The following RBKS variants were observed in gnomAD, a reference collection of about 807,000 sequenced individuals.
RBKS encodes the protein ribokinase.
Under a neutral mutation model 33.9 loss-of-function variants are expected in RBKS, and 33 were observed. The observed-to-expected ratio is 0.97, with a 90% CI of 0.74 to 1.30. RBKS has a LOEUF of 1.30. Ranked by LOEUF, RBKS falls within the 50% of genes most tolerant of loss-of-function variation. RBKS has a pLI of 0.00. For synonymous variants in RBKS, 125 were observed against 143.0 expected, an observed-to-expected ratio of 0.87 and a Z score of 0.90; for missense variants, 361 against 392.6, an observed-to-expected ratio of 0.92 and a Z score of 0.68.
At position 27,800,435 on chromosome 2, in the gene RBKS, GTTTA is replaced by G. The variant is rs375747101; in HGVS notation, c.796-18651_796-18648del. ...GGCAAGTCACTCAGCTTTTCTGTGGGTTTATTTATCTGTACAATGGGAACTTACC... is the reference window on the plus strand; with the variant it reads ...GGCAAGTCACTCAGCTTTTCTGTGGGTTTATCTGTACAATGGGAACTTACC... On this transcript the variant is annotated intron_variant, in intron 7 of 7. Transcript: ENST00000302188. Among the ~76,000 whole-genome samples, 37 of 152,200 alleles carry G rather than the reference GTTTA, an allele frequency of 2.4e-4. No individual in the cohort carries two copies. The East Asian group carries it at 6.6e-3, about 27-fold the overall frequency.
intron 1 of RBKS, among the ~76,000 whole-genome samples, chr2:27,872,004 T>C (rs1161358817): frequency 3.3e-5 from 5 of 152,210 alleles, no homozygotes; most frequent in Non-Finnish European, 7.4e-5. Context: ...GGGTTCACGC[T>C]ACTATGAGAA....
chr2:27,827,881 T>A, intron 6 of RBKS, 126 bp from the exon 7 acceptor site: 1 of 710,368 alleles, frequency 1.4e-6, no homozygotes, highest in Non-Finnish European at 2.2e-6. Flanking sequence ...GGAACCTTGA[T>A]AGATACTGGT....
intron 1 of RBKS, among the ~76,000 whole-genome samples, chr2:27,878,179 C>A (rs1245580932): frequency 6.6e-6 from 1 of 151,834 alleles, no homozygotes; most frequent in South Asian, 2.1e-4. Flanking sequence ...TATCCCTCCC[C>A]CCTGCCCCCA....
At chr2:27,855,261 T>C (rs1252263754) in intron 2 of RBKS, among the ~76,000 whole-genome samples, 1 of 152,212 alleles carries the variant, frequency 6.6e-6, no homozygotes, top group Non-Finnish European at 1.5e-5. Context: ...ATATGAAGGA[T>C]AGTCTCATAT....
Position 27,847,137 on chromosome 2 carries a change from A to G in RBKS, c.287-33T>C, listed in dbSNP as rs765869681. On this transcript the variant is annotated intron_variant, in intron 3 of 7. Transcript: ENST00000302188. ...AAAAAAGAAAATTACAATCACATGT[A>G]TACAGGCTGGCATGGATAATTTATT... 10 of 1,251,862 alleles carry G rather than the reference A, an allele frequency of 8.0e-6. No homozygotes were observed. The South Asian group carries it at 1.2e-4, about 15-fold the overall frequency. 77.5% of individuals were successfully genotyped at this position (1,251,862 alleles called of 1,614,324 possible). A position where few individuals can be genotyped will look rare whatever the true frequency, so the allele number is the denominator to read the frequency against.
intron 7 of RBKS, among the ~76,000 whole-genome samples, chr2:27,789,175 T>C (rs1267386186): frequency 6.6e-6 from 1 of 152,194 alleles, no homozygotes; most frequent in Non-Finnish European, 1.5e-5. Flanking sequence ...CACAAATATA[T>C]GGTCAACTTA....
intron 5 of RBKS, among the ~76,000 whole-genome samples, chr2:27,839,344 G>A (rs2148208983): frequency 6.6e-6 from 1 of 152,210 alleles, no homozygotes. Flanking sequence ...CATTTGCTTG[G>A]AAATGGATAT....
At chr2:27,829,239 G>A (rs1403532263) in intron 6 of RBKS, among the ~76,000 whole-genome samples, 1 of 151,644 alleles carries the variant, frequency 6.6e-6, no homozygotes, top group Non-Finnish European at 1.5e-5. Flanking sequence ...TCATCTGTAG[G>A]TTGTTGATTG....
intron 7 of RBKS, among the ~76,000 whole-genome samples, chr2:27,814,596 A>G (rs779176963): frequency 6.6e-6 from 1 of 152,258 alleles, no homozygotes; most frequent in Non-Finnish European, 1.5e-5. Flanking sequence ...TAAAGAGAAT[A>G]CTAAATGAAG....
intron 1 of RBKS, among the ~76,000 whole-genome samples, chr2:27,875,848 T>C (rs992341698): frequency 2.6e-5 from 4 of 152,094 alleles, no homozygotes; most frequent in Non-Finnish European, 4.4e-5. Context: ...TTTTTCCTCT[T>C]GCACAAACGT....
intron 7 of RBKS, among the ~76,000 whole-genome samples, chr2:27,797,512 A>T (rs1424857714): frequency 6.6e-6 from 1 of 152,212 alleles, no homozygotes; most frequent in Non-Finnish European, 1.5e-5. Context: ...TCAGCAGCAG[A>T]GCAGATGGAG....
intron 3 of RBKS, 30 bp from the exon 4 acceptor site, chr2:27,847,134 T>C (rs1007183737): frequency 1.1e-5 from 14 of 1,276,008 alleles, no homozygotes; most frequent in Middle Eastern, 2.1e-4. Context: ...TACAATCACA[T>C]GTATACAGGC....
chr2:27,847,384 C>T (rs1663642192), intron 3 of RBKS, among the ~76,000 whole-genome samples: 2 of 152,186 alleles, frequency 1.3e-5, no homozygotes, highest in African/African-American at 2.4e-5. Flanking sequence ...TAATTGTATA[C>T]ATATGCATTT....
intron 7 of RBKS, among the ~76,000 whole-genome samples, chr2:27,785,074 A>C (rs1251281808): frequency 6.6e-6 from 1 of 152,220 alleles, no homozygotes; most frequent in African/African-American, 2.4e-5. Flanking sequence ...TACAAAATTA[A>C]ATTCTAGCTA....
rs1371446752 is a variant in RBKS, at chr2:27,839,824, G to C, written c.514+3243C>G. 3.3e-5 allele frequency among the ~76,000 whole-genome samples: 5 copies of C among 152,036 alleles called. No individual in the cohort carries two copies. The East Asian group carries it at 9.7e-4, about 29-fold the overall frequency. On this transcript the variant is annotated intron_variant, in intron 5 of 7. Transcript: ENST00000302188. ...GATCATTAAGCCCACTCTGCTCTGG[G>C]ATCAGTCCAAAGTGACATGAAAGAA...
chr2:27,849,559 CAAAAAAAAAAAAAA>C (rs70953894), intron 2 of RBKS, among the ~76,000 whole-genome samples: 2 of 28,598 alleles, frequency 7.0e-5, no homozygotes, highest in Non-Finnish European at 1.5e-4. Flanking sequence ...GACTCTGTCT[CAAAAAAAAAAAAAA>C]AAAAAAAAAA....
At chr2:27,801,958 AAAAAAATATATAT>A (rs1421525094) in intron 7 of RBKS, among the ~76,000 whole-genome samples, 4 of 67,288 alleles carry the variant, frequency 5.9e-5, no homozygotes, top group African/African-American at 2.3e-4. Context: ...GGGAAAAAAA[AAAAAAATATATAT>A]ATATATATAT....
intron 1 of RBKS, among the ~76,000 whole-genome samples, chr2:27,889,609 C>T (rs1664661030): frequency 6.6e-6 from 1 of 152,134 alleles, no homozygotes; most frequent in African/African-American, 2.4e-5. Context: ...GGCATATTTT[C>T]TATCATAATT....
chr2:27,824,332 T>C (rs142602684), intron 7 of RBKS, among the ~76,000 whole-genome samples: 91 of 152,342 alleles, frequency 6.0e-4, no homozygotes, highest in African/African-American at 2.0e-3. Flanking sequence ...TTTCAAAACA[T>C]TTCCATTACT....
Sources: allele counts gnomAD v4.1 joint callset (sites outside exome capture counted in the v4.1 genomes callset), GRCh38; gene constraint gnomAD v4.1.1; transcripts MANE v1.5; gene names NCBI Gene and HGNC (gene_info 2026-07-23, HGNC 2026-07-21).